Variants in RASGEF1C observed in about 807,000 individuals in gnomAD.
The protein encoded by RASGEF1C is RasGEF domain family member 1C.
A neutral mutation model predicts 58.1 loss-of-function variants in RASGEF1C; 27 were observed. The ratio of observed to expected loss-of-function variants is 0.46; its 90% confidence interval spans 0.34 to 0.64. RASGEF1C has a LOEUF of 0.64. Ranked by LOEUF, RASGEF1C falls within the 30% of genes least tolerant of loss-of-function variation. The probability of loss-of-function intolerance (pLI) is 0.01; values close to 1 mark genes in which losing one functional copy is unlikely to be tolerated. For synonymous variants in RASGEF1C, 243 were observed against 246.3 expected, an observed-to-expected ratio of 0.99 and a Z score of 0.13; for missense variants, 502 against 605.1, an observed-to-expected ratio of 0.83 and a Z score of 1.79.
At chr5:180,101,662 C>T (rs1765786940) in intron 13 of RASGEF1C, 137 bp from the exon 14 acceptor site, 1 of 1,096,886 alleles carries the variant, frequency 9.1e-7, no homozygotes, top group African/African-American at 1.6e-5. Context: ...CTGCAAATCC[C>T]TGGGGCTCAG....
rs942524113 is a variant in RASGEF1C at position 180,177,650 on chromosome 5, G to A, written c.-7+31378C>T. Reference sequence around the variant, plus strand: ...TGGTGCCACTTGGGGAAGGAGTTGCGTTGGTCTGTGACAGTTGGGATGGCA... The same window carrying A: ...TGGTGCCACTTGGGGAAGGAGTTGCATTGGTCTGTGACAGTTGGGATGGCA... On this transcript the variant is annotated intron_variant, in intron 1 of 13. Transcript: ENST00000361132. This position sits in a 1 kb window ranked among gnomAD's most constrained non-coding sequence, Gnocchi z 5.0. Among the ~76,000 whole-genome samples the A allele has an allele frequency of 5.3e-5, 8 of 152,208 alleles. No homozygotes were observed. The highest frequency in any genetic ancestry group is 1.7e-4 in the African/African-American group (7 of 41,458).
intron 1 of RASGEF1C, among the ~76,000 whole-genome samples, chr5:180,185,183 T>G (rs1193822670): frequency 6.6e-6 from 1 of 151,462 alleles, no homozygotes; most frequent in Admixed American, 6.6e-5. Flanking sequence ...TCCCAGCTAC[T>G]TGGGAGGCTG....
At chr5:180,185,507 C>G (rs894720953) in intron 1 of RASGEF1C, among the ~76,000 whole-genome samples, 13 of 152,018 alleles carry the variant, frequency 8.6e-5, no homozygotes, top group African/African-American at 2.9e-4. Flanking sequence ...ATCACCTTTA[C>G]CCGGGAGGTG....
Position 180,128,613 on chromosome 5 carries a change from G to A in RASGEF1C, c.439-3C>T. 1 of 1,613,170 alleles carries A rather than the reference G, an allele frequency of 6.2e-7. No homozygotes were observed. The highest frequency in any genetic ancestry group is 8.5e-7 in the Non-Finnish European group (1 of 1,179,866). On this transcript the variant is annotated splice_region_variant and splice_polypyrimidine_tract_variant and intron_variant, in intron 4 of 13. Transcript: ENST00000361132. ...TGATGCATCCTCTTCCGGTATGCCT[G>A]GTGGGTGGAAAGAAGGGCGCTCAGG...
In RASGEF1C at chr5:180,209,008, C is replaced by T. The variant is rs1410588802; in HGVS notation, c.-7+20G>A. ...CCCTTGCCCGCACCGCCAGGTGTCC[C>T]TCGGCCGCGCACCACTCACCGGCTC... On this transcript the variant is annotated intron_variant, in intron 1 of 13. Transcript: ENST00000361132. 6.8e-6 allele frequency: 1 copy of T among 146,820 alleles called. No homozygotes were observed. Among genetic ancestry groups the T allele is most frequent in the Non-Finnish European group, 1.5e-5 (1 of 65,780 alleles). 9.1% of individuals were successfully genotyped at this position (146,820 alleles called of 1,614,324 possible).
intron 1 of RASGEF1C, among the ~76,000 whole-genome samples, chr5:180,176,775 C>T (rs1767234790): frequency 1.3e-5 from 2 of 152,122 alleles, no homozygotes; most frequent in African/African-American, 4.8e-5. Flanking sequence ...CCAGGATGGT[C>T]TCGATCTCCT....
intron 10 of RASGEF1C, among the ~76,000 whole-genome samples, chr5:180,118,003 A>C (rs983525974): frequency 1.3e-5 from 2 of 151,870 alleles, no homozygotes; most frequent in Admixed American, 1.3e-4. Context: ...CCAAAAAAAA[A>C]AAAAAAAAAA....
chr5:180,150,820 T>C (rs972173714), intron 1 of RASGEF1C, among the ~76,000 whole-genome samples: 24 of 152,156 alleles, frequency 1.6e-4, no homozygotes, highest in East Asian at 1.9e-4. Context: ...GAAAACCCCA[T>C]CGTCTCAGCC....
rs1767248589 is a variant in RASGEF1C at position 180,177,380 on chromosome 5, T to TCCCAGCAGC, written c.-7+31639_-7+31647dup. Among the ~76,000 whole-genome samples, 2 of 152,094 alleles carry TCCCAGCAGC rather than the reference T, an allele frequency of 1.3e-5. No homozygotes were observed. The highest frequency in any genetic ancestry group is 4.2e-4 in the South Asian group (2 of 4,806). ...CGGCTCCATTTTTAACCTTCCTTAG[T>TCCCAGCAGC]CCCAGCAGCCCCAGCAAAAGCTCTT... On this transcript the variant is annotated intron_variant, in intron 1 of 13. Transcript: ENST00000361132. This position sits in a 1 kb window ranked among gnomAD's most constrained non-coding sequence, Gnocchi z 5.0.
chr5:180,128,186 G>A (rs192763969), intron 5 of RASGEF1C, among the ~76,000 whole-genome samples: 1 of 152,314 alleles, frequency 6.6e-6, no homozygotes, highest in South Asian at 2.1e-4. Context: ...CAGGGAGGTC[G>A]CCATCAACCC....
At chr5:180,178,115 C>T (rs113176226) in intron 1 of RASGEF1C, among the ~76,000 whole-genome samples, 5,981 of 149,886 alleles carry the variant, frequency 0.04, 186 homozygotes, top group Admixed American at 0.094. Flanking sequence ...TACAGGCGTG[C>T]ACCACCAAGC....
intron 1 of RASGEF1C, among the ~76,000 whole-genome samples, chr5:180,154,860 C>CATG (rs1173682779): frequency 6.6e-6 from 1 of 152,176 alleles, no homozygotes; most frequent in African/African-American, 2.4e-5. Flanking sequence ...GGATTACAGG[C>CATG]ATGAGCCACC....
intron 12 of RASGEF1C, among the ~76,000 whole-genome samples, chr5:180,104,140 G>A (rs183192077): frequency 7.2e-5 from 11 of 152,010 alleles, no homozygotes; most frequent in Non-Finnish European, 2.9e-5. Flanking sequence ...TCTTTTTTTG[G>A]TACTGTCTTT....
intron 1 of RASGEF1C, among the ~76,000 whole-genome samples, chr5:180,178,516 G>A (rs1767267946): frequency 2.0e-5 from 3 of 151,858 alleles, no homozygotes; most frequent in African/African-American, 7.3e-5. Context: ...CTGACTTCAA[G>A]TGATCTGCCC....
chr5:180,199,690 C>G lies in RASGEF1C; in HGVS notation c.-7+9338G>C, dbSNP rs558687215. ...TCTCTCCCTCCCTTCCCTTCCCCTC[C>G]CCTCCCTCCCTCCCTCCTTCCTTCC... On this transcript the variant is annotated intron_variant, in intron 1 of 13. Transcript: ENST00000361132. Among the ~76,000 whole-genome samples, 8 of 146,114 alleles carry G rather than the reference C, an allele frequency of 5.5e-5. No individual in the cohort carries two copies. In the East Asian group the frequency reaches 1.7e-3, roughly 32 times the overall value.
chr5:180,131,243 C>A (rs189714458), intron 4 of RASGEF1C, among the ~76,000 whole-genome samples: 2 of 152,114 alleles, frequency 1.3e-5, no homozygotes, highest in Non-Finnish European at 2.9e-5. Flanking sequence ...GGAGCCCTGG[C>A]GTGACTCTGA....
intron 1 of RASGEF1C, among the ~76,000 whole-genome samples, chr5:180,170,784 A>G (rs1867458): frequency 0.24 from 37,076 of 152,118 alleles, 5,096 homozygotes; most frequent in Non-Finnish European, 0.31. Context: ...ACAGCCAAAC[A>G]GGCTTCACAG....
chr5:180,156,144 A>G lies in RASGEF1C; in HGVS notation c.-6-18086T>C, dbSNP rs1178741549. Among the ~76,000 whole-genome samples the G allele has an allele frequency of 1.3e-5, 2 of 152,140 alleles. No homozygotes were observed. Among genetic ancestry groups the G allele is most frequent in the African/African-American group, 2.4e-5 (1 of 41,432 alleles). The stretch of plus-strand genomic sequence containing the variant: ...ACAAGACCATGCTGACTTTTGTGCT[A>G]ATTGTTCCCTTACTTTTCTTTGTAG... On this transcript the variant is annotated intron_variant, in intron 1 of 13. Transcript: ENST00000361132. This position sits in a 1 kb window ranked among gnomAD's most constrained non-coding sequence, Gnocchi z 4.9.
intron 1 of RASGEF1C, among the ~76,000 whole-genome samples, chr5:180,199,510 C>T (rs1000484457): frequency 2.0e-5 from 3 of 152,212 alleles, no homozygotes; most frequent in African/African-American, 7.2e-5. Context: ...TTCCAAGGGT[C>T]TGCACTCCGT....
Sources: allele counts gnomAD v4.1 joint callset (sites outside exome capture counted in the v4.1 genomes callset), GRCh38; gene constraint gnomAD v4.1.1; non-coding constraint Gnocchi (gnomAD v3.1); transcripts MANE v1.5; gene names NCBI Gene and HGNC (gene_info 2026-07-23, HGNC 2026-07-21).